Variants in MAP2K4 observed in about 807,000 individuals in gnomAD.
The protein encoded by MAP2K4 is dual specificity mitogen-activated protein kinase kinase 4.
MAP2K4 carries 4 observed loss-of-function variants against 48.5 expected under a neutral mutation model. That is an observed-to-expected ratio of 0.08 (90% confidence interval 0.04 to 0.19). The LOEUF (loss-of-function observed/expected upper bound fraction) is 0.19. Ranked by LOEUF, MAP2K4 falls within the 10% of genes least tolerant of loss-of-function variation. The probability of loss-of-function intolerance (pLI) is 1.00; values close to 1 mark genes in which losing one functional copy is unlikely to be tolerated. For synonymous variants in MAP2K4, 166 were observed against 173.1 expected, an observed-to-expected ratio of 0.96 and a Z score of 0.32; for missense variants, 258 against 493.3, an observed-to-expected ratio of 0.52 and a Z score of 4.52.
intron 4 of MAP2K4, among the ~76,000 whole-genome samples, chr17:12,102,426 T>G (rs1383191536): frequency 2.6e-5 from 4 of 152,204 alleles, no homozygotes; most frequent in African/African-American, 9.6e-5. Flanking sequence ...TACTAAAATT[T>G]AGCTAATTTG....
At chr17:12,117,631 A>G (rs1972547472) in intron 7 of MAP2K4, among the ~76,000 whole-genome samples, 1 of 151,898 alleles carries the variant, frequency 6.6e-6, no homozygotes, top group Admixed American at 6.6e-5. Context: ...TTTTTTGCTC[A>G]GTAGCTTAAA....
At chr17:12,119,681 A>G (rs566062395) in intron 7 of MAP2K4, among the ~76,000 whole-genome samples, 1 of 152,360 alleles carries the variant, frequency 6.6e-6, no homozygotes, top group Admixed American at 6.5e-5. Flanking sequence ...TGTCATAAAG[A>G]CACATACACA....
intron 4 of MAP2K4, among the ~76,000 whole-genome samples, chr17:12,103,599 T>C (rs907839979): frequency 1.3e-5 from 2 of 152,142 alleles, no homozygotes; most frequent in East Asian, 3.9e-4. Flanking sequence ...ATATTATAAA[T>C]AGAATTAAAG....
rs549411966 is a variant in MAP2K4 at position 12,081,279 on chromosome 17, C to T, written c.219-77C>T. 5 of 1,116,026 alleles carry T rather than the reference C, an allele frequency of 4.5e-6. No homozygotes were observed. In the East Asian group the frequency reaches 1.0e-4, roughly 22 times the overall value. The allele number at this position is 1,116,026 out of a possible 1,614,324, so 69.1% of individuals were successfully genotyped here. On this transcript the variant is annotated intron_variant, in intron 2 of 10. Transcript: ENST00000353533. The surrounding 1 kb of genome is among the most constrained non-coding windows in gnomAD (Gnocchi z 4.2). ...AGTAATTTAGAAAACATTTTTCCCA[C>T]ACATTAATCAGTACTAAAAGAAAAA...
chr17:12,123,593 CT>C (rs199662810), intron 7 of MAP2K4, among the ~76,000 whole-genome samples: 2 of 151,530 alleles, frequency 1.3e-5, no homozygotes, highest in South Asian at 2.1e-4. Flanking sequence ...TTCATTTGTT[CT>C]TTTTTTTCTA....
intron 5 of MAP2K4, among the ~76,000 whole-genome samples, chr17:12,109,498 A>G (rs1363355503): frequency 1.3e-5 from 2 of 152,182 alleles, no homozygotes; most frequent in African/African-American, 4.8e-5. Flanking sequence ...GTCACCTTAC[A>G]GCAAATAGTT....
intron 4 of MAP2K4, among the ~76,000 whole-genome samples, chr17:12,096,831 C>CT (rs1971773031): frequency 6.6e-6 from 1 of 152,160 alleles, no homozygotes; most frequent in Non-Finnish European, 1.5e-5. Context: ...TGGGCTCTTA[C>CT]TAGGTAACTA....
intron 1 of MAP2K4, among the ~76,000 whole-genome samples, chr17:12,041,971 A>G (rs942873642): frequency 6.6e-5 from 10 of 152,076 alleles, no homozygotes; most frequent in African/African-American, 2.2e-4. Context: ...ACCTGAGGTC[A>G]GGAGTTTGAG....
intron 1 of MAP2K4, among the ~76,000 whole-genome samples, chr17:12,047,563 TAGGA>T (rs1970008915): frequency 6.6e-6 from 1 of 152,236 alleles, no homozygotes; most frequent in Non-Finnish European, 1.5e-5. Context: ...TTAATAGAAT[TAGGA>T]AGGATCCTGG....
Position 12,081,437 on chromosome 17 carries a change from G to A in MAP2K4, c.300G>A (p.Glu100=). 1 of 1,614,156 alleles carries A rather than the reference G, an allele frequency of 6.2e-7. No individual in the cohort carries two copies. The highest frequency in any genetic ancestry group is 8.5e-7 in the Non-Finnish European group (1 of 1,180,004). Residue 100 remains glutamate (E), a synonymous_variant, in exon 3 of 11, where the codon GAG becomes GAA. Coordinates refer to ENST00000353533, the MANE Select transcript of MAP2K4 (RefSeq NM_003010.4). The surrounding 1 kb of genome is among the most constrained non-coding windows in gnomAD (Gnocchi z 4.2). ...AACAACACTGGGATTTCACTGCAGA[G>A]GACTTGAAAGACCTTGGAGAAATTG... is the stretch of plus-strand genomic sequence containing the variant. ...SPEQHWDFTA[E]DLKDLGEIGR...
At chr17:12,118,960 C>T (rs1051345277) in intron 7 of MAP2K4, among the ~76,000 whole-genome samples, 1 of 152,016 alleles carries the variant, frequency 6.6e-6, no homozygotes, top group Admixed American at 6.6e-5. Flanking sequence ...CTTTTATATG[C>T]AAAAAATACA....
Position 12,125,308 on chromosome 17 carries a change from C to T in MAP2K4, c.828C>T (p.Asp276=), listed in dbSNP as rs1474740693. 3 of 1,613,818 alleles carry T rather than the reference C, an allele frequency of 1.9e-6. No homozygotes were observed. The highest frequency in any genetic ancestry group is 1.1e-5 in the South Asian group (1 of 91,078). Residue 276 remains aspartate, a synonymous_variant, in exon 8 of 11, where the codon GAC becomes GAT. Coordinates refer to ENST00000353533, the MANE Select transcript of MAP2K4 (RefSeq NM_003010.4). The stretch of plus-strand genomic sequence containing the variant: ...TTATGTTCCAGCCTGAAAGAATAGA[C>T]CCAAGCGCATCACGACAAGGATATG... ...CRPYMAPERI[D]PSASRQGYDV...
At chr17:12,032,628 A>G (rs1219339790) in intron 1 of MAP2K4, among the ~76,000 whole-genome samples, 1 of 152,198 alleles carries the variant, frequency 6.6e-6, no homozygotes, top group Non-Finnish European at 1.5e-5. Flanking sequence ...CACTTTTAAG[A>G]TCGTGGTGCA....
At chr17:12,050,794 A>G (rs1490595361) in intron 1 of MAP2K4, among the ~76,000 whole-genome samples, 1 of 152,204 alleles carries the variant, frequency 6.6e-6, no homozygotes, top group African/African-American at 2.4e-5. Context: ...CTCCAACTTC[A>G]ATATTCTGTG....
chr17:12,100,418 T>TGATA (rs1971901103), intron 4 of MAP2K4, among the ~76,000 whole-genome samples: 1 of 152,198 alleles, frequency 6.6e-6, no homozygotes, highest in African/African-American at 2.4e-5. Context: ...AAGTACTATC[T>TGATA]GTAATGTTCC....
At chr17:12,065,454 A>G (rs1970586362) in intron 2 of MAP2K4, among the ~76,000 whole-genome samples, 1 of 151,624 alleles carries the variant, frequency 6.6e-6, no homozygotes, top group Admixed American at 6.6e-5. Flanking sequence ...CTACACCACC[A>G]TGCCTGGCTA....
At chr17:12,041,656 GA>G (rs3838884) in intron 1 of MAP2K4, among the ~76,000 whole-genome samples, 1 of 151,600 alleles carries the variant, frequency 6.6e-6, no homozygotes, top group African/African-American at 2.4e-5. Context: ...GATTAATGAG[GA>G]AAAAAAAGAA....
intron 1 of MAP2K4, among the ~76,000 whole-genome samples, chr17:12,049,718 C>T (rs974284350): frequency 6.6e-6 from 1 of 152,154 alleles, no homozygotes; most frequent in Admixed American, 6.5e-5. Flanking sequence ...TACAGTATTC[C>T]TTCTGCTATA....
rs1259484205 is a variant in MAP2K4, at chr17:12,113,439, ATACGGTTT to A, written c.813+83_813+90del. On this transcript the variant is annotated intron_variant, in intron 7 of 10. Transcript: ENST00000353533. The stretch of plus-strand genomic sequence containing the variant: ...TGCTCTTTTGTGCTGGCCATTAGTC[ATACGGTTT>A]TACCATGAAACTGCTAGAATATTTC... The A allele has an allele frequency of 5.3e-6, 8 of 1,514,650 alleles. No homozygotes were observed. In the East Asian group the frequency reaches 1.4e-4, roughly 26 times the overall value. The allele number at this position is 1,514,650 out of a possible 1,614,324, so 93.8% of individuals were successfully genotyped here.
Sources: gnomAD v4.1 joint callset for allele counts (sites outside exome capture counted in the v4.1 genomes callset) on GRCh38, gnomAD v4.1.1 for gene constraint, Gnocchi (gnomAD v3.1) non-coding constraint, MANE v1.5 for transcripts, NCBI Gene and HGNC (gene_info 2026-07-23, HGNC 2026-07-21) for gene names.